SGPP2: variants seen among roughly 807,000 people sequenced by gnomAD.
The protein encoded by SGPP2 is sphingosine-1-phosphate phosphatase 2.
Under a neutral mutation model 33.9 loss-of-function variants are expected in SGPP2, and 30 were observed. The ratio of observed to expected loss-of-function variants is 0.89; its 90% confidence interval spans 0.66 to 1.20. The LOEUF (loss-of-function observed/expected upper bound fraction) is 1.20, where lower values mean the gene tolerates loss of function less well. Among genes scored for constraint, SGPP2 ranks in the 50% most tolerant of loss-of-function variants. The pLI is 0.00. For synonymous variants in SGPP2, 233 were observed against 225.0 expected (o/e 1.04, Z -0.32); for missense variants, 458 against 532.1 (o/e 0.86, Z 1.37).
chr2:222,425,360 A>C (rs978480951), intron 1 of SGPP2, among the ~76,000 whole-genome samples: 1 of 151,610 alleles, frequency 6.6e-6, no homozygotes, highest in Non-Finnish European at 1.5e-5. Context: ...TCCCTGCACT[A>C]CCCCCGGCGA....
At chr2:222,480,302 C>T (rs1328799224) in intron 2 of SGPP2, among the ~76,000 whole-genome samples, 2 of 152,168 alleles carry the variant, frequency 1.3e-5, no homozygotes, top group Non-Finnish European at 2.9e-5. Flanking sequence ...ACATTGACAC[C>T]GCAACTCATC....
chr2:222,533,581 T>C (rs1698869527), intron 4 of SGPP2, among the ~76,000 whole-genome samples: 1 of 152,164 alleles, frequency 6.6e-6, no homozygotes, highest in Non-Finnish European at 1.5e-5. Flanking sequence ...CAACTCAAAC[T>C]AGTTTAAGCT....
chr2:222,532,227 T>A (rs953011329), intron 4 of SGPP2, among the ~76,000 whole-genome samples: 10 of 151,648 alleles, frequency 6.6e-5, no homozygotes, highest in South Asian at 2.1e-4. Context: ...TGAGCCGAGA[T>A]CGCGCCATTG....
chr2:222,515,417 C>T (rs1369279024), intron 2 of SGPP2, among the ~76,000 whole-genome samples: 2 of 152,134 alleles, frequency 1.3e-5, no homozygotes, highest in Admixed American at 6.5e-5. Context: ...CAACCTCCGC[C>T]TCCCGGGTTC....
At chr2:222,440,664 T>G (rs1393350032) in intron 1 of SGPP2, among the ~76,000 whole-genome samples, 3 of 152,082 alleles carry the variant, frequency 2.0e-5, no homozygotes, top group Admixed American at 2.0e-4. Context: ...TAAAATACTG[T>G]TTTTTTAACA....
At position 222,554,455 on chromosome 2, in the gene SGPP2, A is replaced by G. The variant is rs183084109; in HGVS notation, c.649-3892A>G. 2.6e-5 allele frequency among the ~76,000 whole-genome samples: 4 copies of G among 152,336 alleles called. No homozygotes were observed. In the East Asian group the frequency reaches 7.7e-4, roughly 29 times the overall value. On this transcript the variant is annotated intron_variant, in intron 4 of 4. Transcript: ENST00000321276. Reference sequence around the variant, plus strand: ...ATACTACAACAGATAGCTTGTAAATATGTCCTTTTAAACGTGAGCAGTTAT... The same window carrying G: ...ATACTACAACAGATAGCTTGTAAATGTGTCCTTTTAAACGTGAGCAGTTAT...
chr2:222,533,383 C>T (rs1698866863), intron 4 of SGPP2, among the ~76,000 whole-genome samples: 1 of 152,158 alleles, frequency 6.6e-6, no homozygotes. Context: ...GGACCAGTGA[C>T]CCTTGGCAGG....
At chr2:222,480,189 G>A (rs2106101738) in intron 2 of SGPP2, among the ~76,000 whole-genome samples, 1 of 152,296 alleles carries the variant, frequency 6.6e-6, no homozygotes, top group South Asian at 2.1e-4. Context: ...TAAAAGGTTA[G>A]AGGCAACTTC....
chr2:222,436,455 C>T (rs753534257), intron 1 of SGPP2, among the ~76,000 whole-genome samples: 9 of 152,132 alleles, frequency 5.9e-5, no homozygotes, highest in Non-Finnish European at 1.0e-4. Flanking sequence ...AACTTTGCCC[C>T]AGCCCTGTAA....
Position 222,532,918 on chromosome 2 carries a change from C to T in SGPP2, c.648+7885C>T, listed in dbSNP as rs977859525. ...TGACATCACTGAGTGACTTTACCAC[C>T]CCTGGGGCCACCGTACCTCTGGGCT... On this transcript the variant is annotated intron_variant, in intron 4 of 4. Coordinates refer to ENST00000321276, the MANE Select transcript of SGPP2 (RefSeq NM_152386.4). 3.3e-5 allele frequency among the ~76,000 whole-genome samples: 5 copies of T among 152,068 alleles called. No individual in the cohort carries two copies. The East Asian group carries it at 9.7e-4, about 29-fold the overall frequency.
At chr2:222,444,480 T>A (rs1310597427) in intron 1 of SGPP2, among the ~76,000 whole-genome samples, 2 of 152,216 alleles carry the variant, frequency 1.3e-5, no homozygotes, top group African/African-American at 2.4e-5. Flanking sequence ...CCAGTGTCTA[T>A]CAAGTGGATA....
chr2:222,453,741 G>A (rs2106078150), intron 1 of SGPP2, among the ~76,000 whole-genome samples: 1 of 152,238 alleles, frequency 6.6e-6, no homozygotes, highest in South Asian at 2.1e-4. Context: ...GACTGTTTAT[G>A]TTATAAGTAA....
intron 2 of SGPP2, among the ~76,000 whole-genome samples, chr2:222,475,434 A>G (rs916638597): frequency 6.6e-6 from 1 of 152,178 alleles, no homozygotes; most frequent in Non-Finnish European, 1.5e-5. Flanking sequence ...CTAAGGACCC[A>G]TAGAGTGGTA....
At position 222,524,977 on chromosome 2, in the gene SGPP2, G is replaced by A; in HGVS notation, c.592G>A (p.Val198Met). Residue 198 changes from valine (V) to methionine (M), a missense_variant, in exon 4 of 5, where the codon GTG (valine) becomes ATG (methionine). Coordinates refer to ENST00000321276, the MANE Select transcript of SGPP2 (RefSeq NM_152386.4). ...PFVLGLVMAV[V>M]FSTLVCLSRL... ...TGTGTTGGGACTGGTGATGGCCGTG[G>A]TGTTTTCCACCTTGGTGTGTCTCAG... The A allele has an allele frequency of 6.2e-7, 1 of 1,614,028 alleles. No homozygotes were observed. The highest frequency in any genetic ancestry group is 1.1e-5 in the South Asian group (1 of 91,076).
At chr2:222,434,297 A>G (rs1697202374) in intron 1 of SGPP2, among the ~76,000 whole-genome samples, 1 of 152,210 alleles carries the variant, frequency 6.6e-6, no homozygotes, top group South Asian at 2.1e-4. Context: ...TTAATTTTAT[A>G]ATTGACACAT....
intron 2 of SGPP2, among the ~76,000 whole-genome samples, chr2:222,506,691 A>C (rs1360415839): frequency 6.6e-6 from 1 of 152,206 alleles, no homozygotes; most frequent in Non-Finnish European, 1.5e-5. Flanking sequence ...AAAGTTATGC[A>C]TGGATTTCAA....
intron 1 of SGPP2, among the ~76,000 whole-genome samples, chr2:222,471,180 T>A (rs568568023): frequency 1.3e-5 from 2 of 152,312 alleles, no homozygotes; most frequent in African/African-American, 4.8e-5. Context: ...CCAGTAACTG[T>A]CTCCCGGTAG....
rs564677343 is a variant in SGPP2 at position 222,483,026 on chromosome 2, G to C, written c.378+8300G>C. ...TGTTATGTGACACTTAAAACAGATT[G>C]ATCCATGGTATAGAGGAAAAAGGAA... On this transcript the variant is annotated intron_variant, in intron 2 of 4. Coordinates refer to ENST00000321276, the MANE Select transcript of SGPP2 (RefSeq NM_152386.4). 9.2e-5 allele frequency among the ~76,000 whole-genome samples: 14 copies of C among 152,262 alleles called. 1 individual carries two copies. Among genetic ancestry groups the C allele is most frequent in the African/African-American group, 2.9e-4 (12 of 41,536 alleles).
At chr2:222,483,181 G>A (rs1482513128) in intron 2 of SGPP2, among the ~76,000 whole-genome samples, 1 of 152,210 alleles carries the variant, frequency 6.6e-6, no homozygotes, top group Non-Finnish European at 1.5e-5. Flanking sequence ...GTATGAGACA[G>A]TACACTTGAA....
Sources: gnomAD v4.1 joint callset for allele counts (sites outside exome capture counted in the v4.1 genomes callset) on GRCh38, gnomAD v4.1.1 for gene constraint, MANE v1.5 for transcripts, NCBI Gene and HGNC (gene_info 2026-07-23, HGNC 2026-07-21) for gene names.